Variants in NFIB observed in about 807,000 individuals in gnomAD.
NFIB encodes the protein nuclear factor 1 B-type.
In NFIB, 11 loss-of-function variants were observed where a neutral mutation model predicts 61.5. The observed-to-expected ratio is 0.18, with a 90% CI of 0.11 to 0.30. NFIB has a LOEUF of 0.30. Among genes scored for constraint, NFIB ranks in the 10% least tolerant of loss-of-function variants. NFIB has a pLI of 1.00. For synonymous variants in NFIB, 260 were observed against 216.5 expected, an observed-to-expected ratio of 1.20 and a Z score of -1.76; for missense variants, 471 against 608.9, an observed-to-expected ratio of 0.77 and a Z score of 2.38.
the NFIB span, among the ~76,000 whole-genome samples, chr9:14,409,535 G>A: frequency 6.6e-6 from 1 of 152,312 alleles, no homozygotes; most frequent in South Asian, 2.1e-4. Context: ...TTTCTTTGAA[G>A]GGAGTACTTC....
chr9:14,213,905 A>C (rs1306060656), intron 2 of NFIB, among the ~76,000 whole-genome samples: 1 of 152,078 alleles, frequency 6.6e-6, no homozygotes. Context: ...AACATTCCAG[A>C]AGTGGTTTGT....
intron 2 of NFIB, among the ~76,000 whole-genome samples, chr9:14,205,518 G>T (rs2049588912): frequency 6.6e-6 from 1 of 151,926 alleles, no homozygotes; most frequent in East Asian, 2.0e-4. Flanking sequence ...TATGTTCACA[G>T]CAGCCAAATA....
intron 2 of NFIB, among the ~76,000 whole-genome samples, chr9:14,291,404 G>C (rs1231555544): frequency 6.6e-6 from 1 of 152,118 alleles, no homozygotes; most frequent in African/African-American, 2.4e-5. Flanking sequence ...AGAATTGTTT[G>C]AACCTGGGAG....
At chr9:14,146,575 T>G (rs2042297473) in intron 6 of NFIB, 114 bp downstream of exon 6, 1 of 1,437,826 alleles carries the variant, frequency 7.0e-7, no homozygotes, top group African/African-American at 1.4e-5. Context: ...AATCATTTTA[T>G]GAAAAAAATA....
At chr9:14,398,538 A>G (rs1323281996) in exon 1 of NFIB, 1 of 1,534,706 alleles carries the variant, frequency 6.5e-7, no homozygotes, top group Non-Finnish European at 8.7e-7. Flanking sequence ...AATCCAAAGC[A>G]CAGAGTTGAC....
chr9:14,490,777 C>T, the NFIB span, among the ~76,000 whole-genome samples: 3 of 152,120 alleles, frequency 2.0e-5, no homozygotes, highest in Middle Eastern at 3.2e-3. Flanking sequence ...CGCTACCACG[C>T]ACTGGCAAAA....
intron 2 of NFIB, among the ~76,000 whole-genome samples, chr9:14,302,838 T>C (rs1240457477): frequency 1.3e-5 from 2 of 152,156 alleles, no homozygotes; most frequent in East Asian, 3.9e-4. Flanking sequence ...GACTTCCTTC[T>C]GTGCAGCCCT....
At chr9:14,178,987 G>A (rs1193169969) in intron 3 of NFIB, among the ~76,000 whole-genome samples, 1 of 152,048 alleles carries the variant, frequency 6.6e-6, no homozygotes, top group Non-Finnish European at 1.5e-5. Context: ...TTTATTCTTA[G>A]AGCACTCTTT....
chr9:14,452,808 C>G, the NFIB span, among the ~76,000 whole-genome samples: 1 of 152,030 alleles, frequency 6.6e-6, no homozygotes, highest in Non-Finnish European at 1.5e-5. Context: ...CTGCTGATGA[C>G]AGGATTACAT....
chr9:14,237,822 C>T (rs568650113), intron 2 of NFIB, among the ~76,000 whole-genome samples: 5 of 96,724 alleles, frequency 5.2e-5, no homozygotes, highest in East Asian at 7.3e-4. Context: ...GTGTAAGCTC[C>T]TCACCCTGCT....
the NFIB span, among the ~76,000 whole-genome samples, chr9:14,438,229 A>G: frequency 2.0e-5 from 3 of 152,184 alleles, no homozygotes; most frequent in Non-Finnish European, 4.4e-5. Flanking sequence ...TTTAGGGGGA[A>G]AATAAGATAG....
Position 14,313,805 on chromosome 9 carries a change from T to C in NFIB, c.-294A>G, listed in dbSNP as rs909285426. The C allele has an allele frequency of 7.5e-7, 1 of 1,330,004 alleles. No individual in the cohort carries two copies. Among genetic ancestry groups the C allele is most frequent in the Non-Finnish European group, 9.6e-7 (1 of 1,040,090 alleles). 82.4% of individuals were successfully genotyped at this position (1,330,004 alleles called of 1,614,324 possible). A position where few individuals can be genotyped will look rare whatever the true frequency, so the allele number is the denominator to read the frequency against. On this transcript the variant is annotated 5_prime_UTR_variant, in exon 1 of 11. Coordinates refer to ENST00000380953, the MANE Select transcript of NFIB (RefSeq NM_001190737.2). The surrounding 1 kb of genome is among the most constrained non-coding windows in gnomAD (Gnocchi z 4.5). Reference sequence around the variant, plus strand: ...CCGAGGCCGCCGCCGCCGCCGGTGTTGGCTGCTTTTCGCCTGGGTTTGGGG... The same window carrying C: ...CCGAGGCCGCCGCCGCCGCCGGTGTCGGCTGCTTTTCGCCTGGGTTTGGGG...
intron 6 of NFIB, among the ~76,000 whole-genome samples, chr9:14,144,512 A>G (rs373236419): frequency 3.1e-4 from 47 of 152,152 alleles, no homozygotes; most frequent in African/African-American, 8.7e-4. Flanking sequence ...GCCTTCACTA[A>G]TGAGACTGGT....
At chr9:14,380,265 G>C (rs531976598) in intron 1 of NFIB, among the ~76,000 whole-genome samples, 3 of 152,272 alleles carry the variant, frequency 2.0e-5, no homozygotes, top group South Asian at 4.2e-4. Context: ...TGGAAGCAAG[G>C]GAAAGCCAGT....
chr9:14,513,814 C>G, the NFIB span, among the ~76,000 whole-genome samples: 4 of 152,146 alleles, frequency 2.6e-5, no homozygotes, highest in African/African-American at 9.7e-5. Context: ...TACTTCACCT[C>G]TCTGTGCCTC....
upstream of NFIB, chr9:14,314,670 T>C (rs938865114): frequency 1.3e-5 from 2 of 151,042 alleles, no homozygotes; most frequent in Admixed American, 1.3e-4. Context: ...GCGCATTCCT[T>C]TTGCACCAGC....
chr9:14,303,545 C>T (rs2059867369), intron 2 of NFIB, among the ~76,000 whole-genome samples: 1 of 151,970 alleles, frequency 6.6e-6, no homozygotes, highest in African/African-American at 2.4e-5. Context: ...TTAGACAAAA[C>T]CTAAAAAAAG....
chr9:14,497,341 C>T, the NFIB span, among the ~76,000 whole-genome samples: 4 of 152,164 alleles, frequency 2.6e-5, no homozygotes, highest in African/African-American at 9.7e-5. Context: ...AAAGTTATTA[C>T]AGGAGTGCCT....
At chr9:14,228,227 C>A (rs1185582114) in intron 2 of NFIB, among the ~76,000 whole-genome samples, 1 of 143,476 alleles carries the variant, frequency 7.0e-6, no homozygotes, top group Non-Finnish European at 1.5e-5. Context: ...GACAGGGTCT[C>A]ACTGTCATCC....
Sources: gnomAD v4.1 joint callset for allele counts (sites outside exome capture counted in the v4.1 genomes callset) on GRCh38, gnomAD v4.1.1 for gene constraint, Gnocchi (gnomAD v3.1) non-coding constraint, MANE v1.5 for transcripts, NCBI Gene and HGNC (gene_info 2026-07-23, HGNC 2026-07-21) for gene names.